The following PER3 variants were observed in gnomAD, a reference collection of about 807,000 sequenced individuals.
The protein encoded by PER3 is period circadian regulator 3, also known as period circadian protein homolog 3.
PER3 carries 107 observed loss-of-function variants against 127.2 expected under a neutral mutation model. That is an observed-to-expected ratio of 0.84 (90% confidence interval 0.72 to 0.99). The LOEUF (loss-of-function observed/expected upper bound fraction) is 0.99, where lower values mean the gene tolerates loss of function less well. PER3 is among the 50% of genes least tolerant of loss of function. PER3 has a pLI of 0.00. For missense variants in PER3, 1,560 were observed against 1,525.8 expected, an observed-to-expected ratio of 1.02 and a Z score of -0.37; for synonymous variants, 618 against 585.8, an observed-to-expected ratio of 1.05 and a Z score of -0.79.
intron 10 of PER3, among the ~76,000 whole-genome samples, chr1:7,804,340 G>T: frequency 6.8e-6 from 1 of 146,012 alleles, no homozygotes. Flanking sequence ...GATCTCTTTA[G>T]TGAGCATGTA....
Position 7,803,116 on chromosome 1 carries a change from T to G in PER3, c.942T>G (p.Pro314=), listed in dbSNP as rs2097177579. 6.2e-7 allele frequency: 1 copy of G among 1,612,910 alleles called. No individual in the cohort carries two copies. Among genetic ancestry groups the G allele is most frequent in the Non-Finnish European group, 8.5e-7 (1 of 1,178,862 alleles). ...IGTSILSYLH[P]EDRSLMVAIH... ...CATCGATCCTAAGCTACCTGCACCC[T>G]GAAGATCGTTCTCTGATGGTTGCCA... Residue 314 remains proline (P), a synonymous_variant, in exon 9 of 22, where the codon CCT becomes CCG. Transcript: ENST00000377532.
Position 7,843,294 on chromosome 1 carries a change from T to C in PER3, c.*539T>C, listed in dbSNP as rs558670223. 20 of 153,064 alleles carry C rather than the reference T, an allele frequency of 1.3e-4. No homozygotes were observed. Among genetic ancestry groups the C allele is most frequent in the African/African-American group, 4.6e-4 (19 of 41,592 alleles). The allele number at this position is 153,064 out of a possible 1,614,324, so 9.5% of individuals were successfully genotyped here. A position where few individuals can be genotyped will look rare whatever the true frequency, so the allele number is the denominator to read the frequency against. ...TTTCTCACAACACATTAGCACATAC[T>C]GTCCATTAGCATATCTGGGATAACC... On this transcript the variant is annotated 3_prime_UTR_variant, in exon 22 of 22. Coordinates refer to ENST00000377532, the MANE Select transcript of PER3 (RefSeq NM_001377275.1).
In PER3 at chr1:7,830,071, A is replaced by C; in HGVS notation, c.3124A>C (p.Ser1042Arg). 6.2e-7 allele frequency: 1 copy of C among 1,611,966 alleles called. No individual in the cohort carries two copies. The highest frequency in any genetic ancestry group is 1.1e-5 in the South Asian group (1 of 90,948). ...ASTLSMGLPP[S>R]RTPSHPTATV... ...CACACTGTCCATGGGATTGCCTCCC[A>C]GCAGGACTCCATCCCATCCTACTGC... The change falls in exon 19 of 22, where the codon AGC (serine) becomes CGC (arginine). Residue 1042 changes from serine (S) to arginine (R), a missense_variant. Transcript: ENST00000377532.
intron 18 of PER3, among the ~76,000 whole-genome samples, chr1:7,828,086 C>G (rs753960305): frequency 4.6e-5 from 7 of 152,182 alleles, no homozygotes; most frequent in Non-Finnish European, 1.0e-4. Flanking sequence ...TTCATGTGAA[C>G]TGGATTCCCT....
intron 13 of PER3, among the ~76,000 whole-genome samples, chr1:7,811,968 A>G (rs942740243): frequency 3.3e-5 from 5 of 152,178 alleles, no homozygotes; most frequent in African/African-American, 9.6e-5. Context: ...TGAAACCCCT[A>G]CATTTCTCCT....
Position 7,793,946 on chromosome 1 carries a change from T to C in PER3, c.593-11T>C. The C allele has an allele frequency of 1.2e-6, 2 of 1,612,940 alleles. No homozygotes were observed. The highest frequency in any genetic ancestry group is 1.7e-6 in the Non-Finnish European group (2 of 1,178,840). On this transcript the variant is annotated splice_polypyrimidine_tract_variant and intron_variant, in intron 5 of 21. Transcript: ENST00000377532. ...AAGAGGGAGTGACTGACCAGGCATC[T>C]TTCTTTCTAGCAGCTGCACGGTATG... is the stretch of plus-strand genomic sequence containing the variant.
chr1:7,806,855 T>C (rs228646), intron 10 of PER3, among the ~76,000 whole-genome samples: 10,301 of 137,244 alleles, frequency 0.075, 502 homozygotes, highest in Middle Eastern at 0.13. Flanking sequence ...CACACACACA[T>C]ACATACACAA....
At chr1:7,840,030 T>A (rs555022598) in intron 21 of PER3, among the ~76,000 whole-genome samples, 3 of 152,166 alleles carry the variant, frequency 2.0e-5, no homozygotes, top group Non-Finnish European at 4.4e-5. Flanking sequence ...ACTCGATGGT[T>A]TCCCACATGT....
rs1204006806 is a variant in PER3, at chr1:7,844,934, A to C, written c.*2179A>C. 1 of 152,388 alleles carries C rather than the reference A, an allele frequency of 6.6e-6. No individual in the cohort carries two copies. The highest frequency in any genetic ancestry group is 1.5e-5 in the Non-Finnish European group (1 of 68,040). 9.4% of individuals were successfully genotyped at this position (152,388 alleles called of 1,614,324 possible). On this transcript the variant is annotated 3_prime_UTR_variant, in exon 22 of 22. Transcript: ENST00000377532. ...AATGTTTTCATGAATGTTACCCAAA[A>C]AGCTGTGTTTTCTTTGGTCAGAGGT...
intron 10 of PER3, among the ~76,000 whole-genome samples, chr1:7,804,326 T>TA: frequency 6.6e-6 from 1 of 150,900 alleles, no homozygotes. Context: ...TTTTTTTTTT[T>TA]AAAGATCTCT....
In PER3 at chr1:7,826,547, A is replaced by T; in HGVS notation, c.2025A>T (p.Glu675Asp). 1 of 1,614,136 alleles carries T rather than the reference A, an allele frequency of 6.2e-7. No individual in the cohort carries two copies. The highest frequency in any genetic ancestry group is 8.5e-7 in the Non-Finnish European group (1 of 1,179,964). Residue 675 changes from glutamate (E) to aspartate (D), a missense_variant, in exon 17 of 22, where the codon GAA (glutamate) becomes GAT (aspartate). Glu to Asp is a conservative substitution (Grantham distance 45). Coordinates refer to ENST00000377532, the MANE Select transcript of PER3 (RefSeq NM_001377275.1). The surrounding 1 kb of genome is among the most constrained non-coding windows in gnomAD (Gnocchi z 4.2). ...TGCAGCCAGCCCCTTTGACCTCGGA[A>T]GAATTTAAACACGTGGGGCTCACAG... is the stretch of plus-strand genomic sequence containing the variant. ...LNMQPAPLTS[E>D]EFKHVGLTAA...
chr1:7,799,414 C>A (rs571277166), intron 7 of PER3, among the ~76,000 whole-genome samples: 22 of 152,082 alleles, frequency 1.4e-4, no homozygotes, highest in African/African-American at 5.1e-4. Context: ...ACCAGCCTGG[C>A]CAACGTGATG....
chr1:7,821,572 T>A (rs2097276629), intron 16 of PER3, among the ~76,000 whole-genome samples: 2 of 152,242 alleles, frequency 1.3e-5, no homozygotes, highest in Non-Finnish European at 2.9e-5. Flanking sequence ...TAGCTGTTCA[T>A]AATACAGCCC....
At position 7,835,863 on chromosome 1, in the gene PER3, C is replaced by T; in HGVS notation, c.3316C>T (p.Pro1106Ser). 1 of 1,611,762 alleles carries T rather than the reference C, an allele frequency of 6.2e-7. No individual in the cohort carries two copies. The highest frequency in any genetic ancestry group is 8.5e-7 in the Non-Finnish European group (1 of 1,177,824). ...SQDVQKKETF[P>S]NVAEEPIWRM... ...GGACGTACAGAAAAAAGAAACATTT[C>T]CTAATGTCGCCGAAGAGCCCATCTG... Residue 1106 changes from proline (P) to serine (S), a missense_variant, in exon 20 of 22, where the codon CCT (proline) becomes TCT (serine). By Grantham distance (74) the Pro-to-Ser change is moderately conservative. This residue lies in a region of PER3 where 199 missense variants were observed against 198.6 expected (regional missense o/e 1.00). Transcript: ENST00000377532.
chr1:7,787,486 G>T, intron 4 of PER3: 2 of 452,568 alleles, frequency 4.4e-6, no homozygotes, highest in South Asian at 1.7e-5. Flanking sequence ...TGTAGGAGGT[G>T]CTATGGAGAT....
chr1:7,815,269 G>A (rs896174863), intron 13 of PER3, among the ~76,000 whole-genome samples: 5 of 152,172 alleles, frequency 3.3e-5, no homozygotes, highest in South Asian at 2.1e-4. Flanking sequence ...AATAATCTCC[G>A]TACACTAATT....
At chr1:7,830,273 CT>C in intron 19 of PER3, 112 bp downstream of exon 19, 5 of 877,840 alleles carry the variant, frequency 5.7e-6, no homozygotes, top group Non-Finnish European at 8.7e-6. Flanking sequence ...GTTTTTTTTT[CT>C]TTTTCCCTTT....
intron 6 of PER3, among the ~76,000 whole-genome samples, chr1:7,796,264 C>T (rs933886750): frequency 2.7e-5 from 4 of 150,268 alleles, no homozygotes; most frequent in African/African-American, 9.8e-5. Context: ...ACAGGGTTAT[C>T]ATTGCATCTA....
Position 7,787,903 on chromosome 1 carries a change from G to C in PER3, c.391-142G>C, listed in dbSNP as rs116020316. The C allele has an allele frequency of 4.1e-3, 2,583 of 637,640 alleles. 37 individuals carry two copies. Among genetic ancestry groups the C allele is most frequent in the African/African-American group, 0.04 (2,214 of 54,714 alleles). 39.5% of individuals were successfully genotyped at this position (637,640 alleles called of 1,614,324 possible). A position where few individuals can be genotyped will look rare whatever the true frequency, so the allele number is the denominator to read the frequency against. On this transcript the variant is annotated intron_variant, in intron 4 of 21. Coordinates refer to ENST00000377532, the MANE Select transcript of PER3 (RefSeq NM_001377275.1). Reference sequence around the variant, plus strand: ...AGAAGCATGTTGGAGAAAATTATTTGAGGAGTTTTGTTGCATTTGTAGGTT... The same window carrying C: ...AGAAGCATGTTGGAGAAAATTATTTCAGGAGTTTTGTTGCATTTGTAGGTT...
Sources: gnomAD v4.1 joint callset for allele counts (sites outside exome capture counted in the v4.1 genomes callset) on GRCh38, gnomAD v4.1.1 for gene constraint, gnomAD v4.1.1 regional missense constraint, Gnocchi (gnomAD v3.1) non-coding constraint, MANE v1.5 for transcripts, NCBI Gene and HGNC (gene_info 2026-07-23, HGNC 2026-07-21) for gene names.